Variants in AK9 observed in about 807,000 individuals in gnomAD.
AK9 encodes the protein adenylate kinase domain containing 1.
AK9 carries 191 observed loss-of-function variants against 239.6 expected under a neutral mutation model. The observed-to-expected ratio is 0.80, with a 90% CI of 0.71 to 0.90. AK9 has a LOEUF of 0.90. Ranked by LOEUF, AK9 falls within the 40% of genes least tolerant of loss-of-function variation. AK9 has a pLI of 0.00. For synonymous variants in AK9, 689 were observed against 721.0 expected, an observed-to-expected ratio of 0.96 and a Z score of 0.71; for missense variants, 1,995 against 2,214.7, an observed-to-expected ratio of 0.90 and a Z score of 1.99.
chr6:109,623,893 ACACACACACAC>A (rs1161740681), intron 12 of AK9, among the ~76,000 whole-genome samples: 6 of 148,060 alleles, frequency 4.1e-5, no homozygotes, highest in African/African-American at 1.3e-4. Flanking sequence ...ACACACACAC[ACACACACACAC>A]ATTTCTTCTC....
chr6:109,632,911 T>TAGATAGACAGA lies in AK9; in HGVS notation c.1254+11_1254+12insTCTGTCTATCT. On this transcript the variant is annotated intron_variant, in intron 12 of 40. Transcript: ENST00000424296. ...GATAGATAGATAGATAGACAGATAGTTAGTTAGTCACCTTTCCTTTGTAAT... is the reference window on the plus strand; with the variant it reads ...GATAGATAGATAGATAGACAGATAGTAGATAGACAGATAGTTAGTCACCTTTCCTTTGTAAT... 6.7e-7 allele frequency: 1 copy of TAGATAGACAGA among 1,492,524 alleles called. No individual in the cohort carries two copies. Among genetic ancestry groups the TAGATAGACAGA allele is most frequent in the African/African-American group, 1.4e-5 (1 of 69,650 alleles). The allele number at this position is 1,492,524 out of a possible 1,614,324, so 92.5% of individuals were successfully genotyped here.
At chr6:109,640,506 T>C (rs1797270229) in intron 10 of AK9, among the ~76,000 whole-genome samples, 1 of 152,160 alleles carries the variant, frequency 6.6e-6, no homozygotes, top group Non-Finnish European at 1.5e-5. Flanking sequence ...ATCACCCATC[T>C]TCTGCATCGA....
intron 10 of AK9, among the ~76,000 whole-genome samples, chr6:109,640,919 T>C (rs1266952396): frequency 6.6e-6 from 1 of 152,114 alleles, no homozygotes; most frequent in Admixed American, 6.6e-5. Context: ...TAAGAACTTT[T>C]AGGTCTTCAC....
intron 17 of AK9, among the ~76,000 whole-genome samples, chr6:109,598,291 T>A (rs1170852601): frequency 1.3e-5 from 2 of 150,972 alleles, no homozygotes; most frequent in Non-Finnish European, 2.9e-5. Flanking sequence ...TTCTCATTGT[T>A]CAATTCCCAC....
intron 25 of AK9, among the ~76,000 whole-genome samples, chr6:109,548,284 T>G (rs1783864847): frequency 6.6e-6 from 1 of 152,196 alleles, no homozygotes; most frequent in Admixed American, 6.5e-5. Flanking sequence ...ATAACATATC[T>G]GAACAGGATC....
chr6:109,533,381 A>C lies in AK9; in HGVS notation c.3440T>G (p.Val1147Gly). ...ATCTTGATCATCAACTTGTATAAAAACAGCTGCATCTGGGAAAAATCCACG... is the reference window on the plus strand; with the variant it reads ...ATCTTGATCATCAACTTGTATAAAACCAGCTGCATCTGGGAAAAATCCACG... ...GDRGFFPDAAVFIQVDDQDIF... is the reference protein window; with the variant it reads ...GDRGFFPDAAGFIQVDDQDIF... Residue 1147 changes from valine to glycine, a missense_variant, in exon 28 of 41, where the codon GTT (valine) becomes GGT (glycine). By Grantham distance (109) the Val-to-Gly change is moderately radical. Coordinates refer to ENST00000424296, the MANE Select transcript of AK9 (RefSeq NM_001145128.3). The C allele has an allele frequency of 6.2e-7, 1 of 1,611,370 alleles. No individual in the cohort carries two copies. Among genetic ancestry groups the C allele is most frequent in the Non-Finnish European group, 8.5e-7 (1 of 1,178,842 alleles).
intron 35 of AK9, among the ~76,000 whole-genome samples, chr6:109,500,676 T>C (rs1288827096): frequency 6.6e-6 from 1 of 152,144 alleles, no homozygotes; most frequent in Non-Finnish European, 1.5e-5. Context: ...TCTAAGACCC[T>C]TGGGGCCAGA....
chr6:109,516,522 C>T lies in AK9; in HGVS notation c.3754G>A (p.Asp1252Asn). 1 of 1,551,766 alleles carries T rather than the reference C, an allele frequency of 6.4e-7. No individual in the cohort carries two copies. Among genetic ancestry groups the T allele is most frequent in the Non-Finnish European group, 8.7e-7 (1 of 1,147,020 alleles). The change falls in exon 30 of 41, where the codon GAT (aspartate) becomes AAT (asparagine). Residue 1252 changes from aspartate (D) to asparagine (N), a missense_variant. By Grantham distance (23) the Asp-to-Asn change is conservative. This residue lies in a region of AK9 where 1,290 missense variants were observed against 1,392.7 expected (regional missense o/e 0.93). Coordinates refer to ENST00000424296, the MANE Select transcript of AK9 (RefSeq NM_001145128.3). Reference sequence around the variant, plus strand: ...ATTGCATCAGTTTCCTGTTCTTCATCTTCCTCGCCACTCATCTCTTCCTCA... The same window carrying T: ...ATTGCATCAGTTTCCTGTTCTTCATTTTCCTCGCCACTCATCTCTTCCTCA... The part of the protein sequence containing the change: ...KDEEEMSGEE[D>N]EEQETDAIER...
rs138960025 is a variant in AK9, at chr6:109,497,932, G to A, written c.5080C>T (p.Pro1694Ser). 1,126 of 1,614,110 alleles carry A rather than the reference G, an allele frequency of 7.0e-4. 3 individuals carry two copies. The highest frequency in any genetic ancestry group is 9.0e-4 in the Non-Finnish European group (1,067 of 1,179,990). Residue 1694 changes from proline (P) to serine (S), a missense_variant, in exon 37 of 41, where the codon CCC becomes TCC. By Grantham distance (74) the Pro-to-Ser change is moderately conservative. This residue lies in a region of AK9 where 391 missense variants were observed against 456.0 expected (regional missense o/e 0.86). Coordinates refer to ENST00000424296, the MANE Select transcript of AK9 (RefSeq NM_001145128.3). Reference protein sequence around the residue: ...FLENPELYVPPLAPHPLPSAD... With the variant: ...FLENPELYVPSLAPHPLPSAD... Reference sequence around the variant, plus strand: ...GATGGGAGTGGATGAGGTGCTAAGGGAGGCACGTACAATTCTGGGTTCTCC... The same window carrying A: ...GATGGGAGTGGATGAGGTGCTAAGGAAGGCACGTACAATTCTGGGTTCTCC...
At chr6:109,586,505 A>G (rs1250184397) in intron 17 of AK9, among the ~76,000 whole-genome samples, 1 of 152,228 alleles carries the variant, frequency 6.6e-6, no homozygotes. Flanking sequence ...ACAGATCATG[A>G]TTCAGAAGGT....
intron 27 of AK9, 108 bp downstream of exon 27, chr6:109,541,939 G>T: frequency 1.0e-6 from 1 of 983,756 alleles, no homozygotes; most frequent in Non-Finnish European, 1.4e-6. Flanking sequence ...CAGCTTACAT[G>T]AATATAAAGG....
At chr6:109,536,523 T>C (rs888153674) in intron 27 of AK9, among the ~76,000 whole-genome samples, 1 of 152,228 alleles carries the variant, frequency 6.6e-6, no homozygotes, top group Non-Finnish European at 1.5e-5. Flanking sequence ...TGGGGTTTTC[T>C]AAATACACAA....
chr6:109,608,666 A>T (rs1421927129), intron 17 of AK9, among the ~76,000 whole-genome samples: 1 of 152,168 alleles, frequency 6.6e-6, no homozygotes, highest in Admixed American at 6.5e-5. Context: ...TGGGTAGGCA[A>T]ATATTTCTGA....
Position 109,656,786 on chromosome 6 carries a change from A to C in AK9, c.729T>G (p.Leu243=), listed in dbSNP as rs1257813783. ...YLENVENIVK[L]YKETILQTLE... ...AAGTTTGGAGAATTGTTTCCTTATA[A>C]AGCTTAACAATGTTTTCAACATTTT... is the stretch of plus-strand genomic sequence containing the variant. The change falls in exon 8 of 41, where the codon CTT becomes CTG. Residue 243 remains leucine (L), a synonymous_variant. Transcript: ENST00000424296. 5.0e-6 allele frequency: 8 copies of C among 1,602,414 alleles called. No individual in the cohort carries two copies.
At chr6:109,647,878 T>C (rs1379829369) in intron 8 of AK9, among the ~76,000 whole-genome samples, 1 of 152,108 alleles carries the variant, frequency 6.6e-6, no homozygotes, top group Non-Finnish European at 1.5e-5. Flanking sequence ...ACAGAAATTA[T>C]AACAAACTGT....
intron 5 of AK9, among the ~76,000 whole-genome samples, chr6:109,670,323 C>G (rs764462705): frequency 1.3e-5 from 2 of 151,824 alleles, no homozygotes; most frequent in Non-Finnish European, 2.9e-5. Context: ...TTTAAGTGTC[C>G]TTTTCTTTTA....
At chr6:109,495,493 T>C (rs969498282) in intron 38 of AK9, 53 bp from the exon 39 acceptor site, 7 of 1,287,668 alleles carry the variant, frequency 5.4e-6, no homozygotes, top group Non-Finnish European at 6.6e-6. Flanking sequence ...TCAGTGTGTA[T>C]AGATAGGAAT....
chr6:109,593,936 T>C (rs941543069), intron 17 of AK9, among the ~76,000 whole-genome samples: 2 of 152,112 alleles, frequency 1.3e-5, no homozygotes, highest in African/African-American at 4.8e-5. Context: ...CTGGAAGCAT[T>C]CCCTCTGAAA....
intron 25 of AK9, among the ~76,000 whole-genome samples, chr6:109,548,613 ATT>A: frequency 6.6e-6 from 1 of 152,248 alleles, no homozygotes; most frequent in South Asian, 2.1e-4. Context: ...AGGACTGATG[ATT>A]AACAGCAGAA....
Sources: allele counts gnomAD v4.1 joint callset (sites outside exome capture counted in the v4.1 genomes callset), GRCh38; gene constraint gnomAD v4.1.1; regional missense constraint gnomAD v4.1.1; transcripts MANE v1.5; gene names NCBI Gene and HGNC (gene_info 2026-07-23, HGNC 2026-07-21).